ZNF880: variants seen among roughly 807,000 people sequenced by gnomAD.
The protein encoded by ZNF880 is zinc finger protein 880, also known as zinc finger protein LOC400713.
In ZNF880, 12 loss-of-function variants were observed where a neutral mutation model predicts 11.8. The ratio of observed to expected loss-of-function variants is 1.02; its 90% CI spans 0.65 to 1.65. The LOEUF (loss-of-function observed/expected upper bound fraction) is 1.65, where lower values mean the gene tolerates loss of function less well. ZNF880 is among the 40% of genes most tolerant of loss of function. The pLI, the probability that ZNF880 is intolerant of heterozygous loss-of-function variation, is 0.00. For synonymous variants in ZNF880, 210 were observed against 232.4 expected (o/e 0.90, Z 0.88); for missense variants, 601 against 673.9 (o/e 0.89, Z 1.20).
chr19:52,369,567 G>C (rs1001004205), upstream of ZNF880, among the ~76,000 whole-genome samples: 1 of 151,542 alleles, frequency 6.6e-6, no homozygotes, highest in Non-Finnish European at 1.5e-5. Flanking sequence ...TAGGCGCAAG[G>C]TTTCTCTCTC....
Position 52,385,148 on chromosome 19 carries a change from A to G in ZNF880, c.1568A>G (p.Asn523Ser), listed in dbSNP as rs1369375847. The G allele has an allele frequency of 1.3e-6, 2 of 1,556,436 alleles. No individual in the cohort carries two copies. The highest frequency in any genetic ancestry group is 2.4e-5 in the East Asian group (1 of 41,242). The change falls in exon 4 of 4, where the codon AAT becomes AGT. Residue 523 changes from asparagine (N) to serine (S), a missense_variant. Transcript: ENST00000422689. ...ACTGGAGAGAAGTCTTACAAATGCA[A>G]TGAATGTGGCAAGGTCTTCAGCCAC... is the stretch of plus-strand genomic sequence containing the variant. ...IHTGEKSYKC[N>S]ECGKVFSHKL...
chr19:52,369,835 G>C, upstream of ZNF880: 4 of 1,213,882 alleles, frequency 3.3e-6, no homozygotes, highest in Non-Finnish European at 4.7e-6. Flanking sequence ...TCCAAAACGA[G>C]ACGAGCTGGG....
chr19:52,367,761 TAA>T (rs1203170672), upstream of ZNF880: 2 of 152,178 alleles, frequency 1.3e-5, no homozygotes, highest in Non-Finnish European at 2.9e-5. Context: ...GTGTGAGTGT[TAA>T]AGAGTATGCC....
In ZNF880 at chr19:52,385,013, A is replaced by T. The variant is rs771867544; in HGVS notation, c.1433A>T (p.Asn478Ile). ...GGCAAGGACTTCACTCGAAATTCAA[A>T]CCTTGCAAATCATCACAGAATCCAT... is the stretch of plus-strand genomic sequence containing the variant. ...ECGKDFTRNS[N>I]LANHHRIHTG... The change falls in exon 4 of 4, where the codon AAC becomes ATC. Residue 478 changes from asparagine to isoleucine, a missense_variant. Transcript: ENST00000422689. 5.1e-6 allele frequency: 8 copies of T among 1,566,446 alleles called. No homozygotes were observed. Among genetic ancestry groups the T allele is most frequent in the Non-Finnish European group, 5.2e-6 (6 of 1,154,448 alleles).
intron 3 of ZNF880, chr19:52,379,466 G>A (rs1302430602): frequency 2.2e-6 from 1 of 447,374 alleles, no homozygotes; most frequent in Non-Finnish European, 4.5e-6. Context: ...CGCGATCTCG[G>A]CTCACTGCAA....
the ZNF880 span, chr19:52,395,547 C>A: frequency 6.6e-6 from 1 of 152,218 alleles, no homozygotes; most frequent in Non-Finnish European, 1.5e-5. Flanking sequence ...ATCTCACGGA[C>A]ACACAGTAAG....
At chr19:52,391,760 T>G in the ZNF880 span, among the ~76,000 whole-genome samples, 2 of 152,242 alleles carry the variant, frequency 1.3e-5, no homozygotes, top group Non-Finnish European at 2.9e-5. Context: ...TTTGCTGTCC[T>G]TATTCTGCCA....
At chr19:52,394,029 T>C in the ZNF880 span, among the ~76,000 whole-genome samples, 180 of 151,718 alleles carry the variant, frequency 1.2e-3, no homozygotes, top group African/African-American at 3.8e-3. Flanking sequence ...TTAGTAGAGA[T>C]GGGGTTTCAC....
chr19:52,372,479 A>G (rs545366587), intron 1 of ZNF880, among the ~76,000 whole-genome samples: 38 of 150,382 alleles, frequency 2.5e-4, no homozygotes, highest in African/African-American at 7.8e-4. Context: ...TAGTAGAGAC[A>G]GGGCTTCACC....
chr19:52,374,460 A>G (rs905997510), intron 3 of ZNF880, 33 bp downstream of exon 3: 3 of 1,583,006 alleles, frequency 1.9e-6, no homozygotes, highest in East Asian at 2.3e-5. Flanking sequence ...TGGAGGCCCC[A>G]TAATTTTTTT....
In ZNF880 at chr19:52,384,422, C is replaced by T; in HGVS notation, c.842C>T (p.Ser281Phe). 6.2e-7 allele frequency: 1 copy of T among 1,613,980 alleles called. No homozygotes were observed. Among genetic ancestry groups the T allele is most frequent in the Non-Finnish European group, 8.5e-7 (1 of 1,179,876 alleles). ...HECGKVFTQN[S>F]HLANHHRIHT... The stretch of plus-strand genomic sequence containing the variant: ...TGTGGCAAAGTCTTCACTCAAAATT[C>T]TCACCTTGCAAATCATCACAGAATC... The change falls in exon 4 of 4, where the codon TCT becomes TTT. Residue 281 changes from serine to phenylalanine, a missense_variant. Around this residue, in one of 3 missense-constraint regions of ZNF880, gnomAD observed 420 missense variants for 442.6 expected, o/e 0.95. Transcript: ENST00000422689.
At chr19:52,392,576 C>G in the ZNF880 span, 1 of 163,776 alleles carries the variant, frequency 6.1e-6, no homozygotes, top group East Asian at 1.9e-4. Context: ...GCTGGGATTA[C>G]AGGCCTGGGC....
At chr19:52,373,375 C>G (rs573460605) in intron 2 of ZNF880, 138 bp downstream of exon 2, 2 of 826,282 alleles carry the variant, frequency 2.4e-6, no homozygotes, top group Admixed American at 2.9e-5. Context: ...ATGAAAACCT[C>G]CATAATGCTT....
rs1473218985 is a variant in ZNF880 at position 52,384,541 on chromosome 19, G to A, written c.961G>A (p.Glu321Lys). The A allele has an allele frequency of 6.2e-7, 1 of 1,614,096 alleles. No homozygotes were observed. Among genetic ancestry groups the A allele is most frequent in the Middle Eastern group, 1.6e-4 (1 of 6,062 alleles). Residue 321 changes from glutamate to lysine, a missense_variant, in exon 4 of 4, where the codon GAG (glutamate) becomes AAG (lysine). By Grantham distance (56) the Glu-to-Lys change is moderately conservative. Coordinates refer to ENST00000422689, the MANE Select transcript of ZNF880 (RefSeq NM_001145434.2). Reference protein sequence around the residue: ...LARHQKIHSGEKPYKCKECGK... With the variant: ...LARHQKIHSGKKPYKCKECGK... ...ACGACATCAGAAAATTCATAGTGGA[G>A]AGAAACCTTACAAATGTAAGGAATG...
chr19:52,385,029 CAG>C lies in ZNF880; in HGVS notation c.1451_1452del (p.Arg484AsnfsTer12), dbSNP rs1314231088. 1 of 1,560,660 alleles carries C rather than the reference CAG, an allele frequency of 6.4e-7. No homozygotes were observed. Among genetic ancestry groups the C allele is most frequent in the African/African-American group, 1.4e-5 (1 of 72,406 alleles). On this transcript the variant is annotated frameshift_variant, in exon 4 of 4. Transcript: ENST00000422689. LOFTEE classifies it low-confidence loss of function (END_TRUNC). Reference sequence around the variant, plus strand: ...GAAATTCAAACCTTGCAAATCATCACAGAATCCATACTGGAGAGAAACCTTAC... The same window carrying C: ...GAAATTCAAACCTTGCAAATCATCACAATCCATACTGGAGAGAAACCTTAC... ...TRNSNLANHH[R>X]IHTGEKPYKC...
intron 3 of ZNF880, among the ~76,000 whole-genome samples, chr19:52,378,735 T>A (rs2122381752): frequency 6.6e-6 from 1 of 152,048 alleles, no homozygotes. Flanking sequence ...CATCTGGTTA[T>A]AAGACTAAAG....
Position 52,385,657 on chromosome 19 carries a change from C to A in ZNF880, c.*343C>A. The A allele has an allele frequency of 5.5e-6, 1 of 182,610 alleles. No individual in the cohort carries two copies. Among genetic ancestry groups the A allele is most frequent in the Non-Finnish European group, 1.0e-5 (1 of 96,240 alleles). 11.3% of individuals were successfully genotyped at this position (182,610 alleles called of 1,614,324 possible). On this transcript the variant is annotated 3_prime_UTR_variant, in exon 4 of 4. Coordinates refer to ENST00000422689, the MANE Select transcript of ZNF880 (RefSeq NM_001145434.2). ...CTCTAGTTCTCCAATATTTATGATA[C>A]TGCATGCTGCAGAAAAGTCACAGCT...
the ZNF880 span, among the ~76,000 whole-genome samples, chr19:52,394,101 AGT>A: frequency 6.6e-6 from 1 of 152,006 alleles, no homozygotes; most frequent in Admixed American, 6.6e-5. Flanking sequence ...GGCCTCCCAA[AGT>A]GCTGGGATTA....
intron 3 of ZNF880, among the ~76,000 whole-genome samples, chr19:52,382,378 CT>C (rs1489316320): frequency 6.6e-6 from 1 of 152,114 alleles, no homozygotes; most frequent in Non-Finnish European, 1.5e-5. Context: ...GGTGAACTTT[CT>C]ATTTTCATTG....
Sources: gnomAD v4.1 joint callset for allele counts (sites outside exome capture counted in the v4.1 genomes callset) on GRCh38, gnomAD v4.1.1 for gene constraint, gnomAD v4.1.1 regional missense constraint, MANE v1.5 for transcripts, NCBI Gene and HGNC (gene_info 2026-07-23, HGNC 2026-07-21) for gene names.